GALNT13: variants seen among roughly 807,000 people sequenced by gnomAD.
The protein encoded by GALNT13 is UDP-GalNAc:polypeptide N-acetylgalactosaminyltransferase 13.
Under a neutral mutation model 64.2 loss-of-function variants are expected in GALNT13, and 28 were observed. That is an observed-to-expected ratio of 0.44 (90% CI 0.32 to 0.60). The LOEUF (loss-of-function observed/expected upper bound fraction) is 0.60, where lower values mean the gene tolerates loss of function less well. Among genes scored for constraint, GALNT13 ranks in the 20% least tolerant of loss-of-function variants. GALNT13 has a pLI of 0.05. For synonymous variants in GALNT13, 214 were observed against 224.6 expected, an observed-to-expected ratio of 0.95 and a Z score of 0.42; for missense variants, 577 against 669.8, an observed-to-expected ratio of 0.86 and a Z score of 1.53.
the GALNT13 span, among the ~76,000 whole-genome samples, chr2:153,310,789 C>G: frequency 6.6e-6 from 1 of 152,084 alleles, no homozygotes; most frequent in African/African-American, 2.4e-5. Context: ...TACAGTTCCC[C>G]TAACCCCTGC....
the GALNT13 span, among the ~76,000 whole-genome samples, chr2:153,205,033 A>AT: frequency 1.4e-4 from 21 of 152,174 alleles, no homozygotes; most frequent in Non-Finnish European, 8.8e-5. Flanking sequence ...TTTGCTTCAG[A>AT]TTTTTTGTGA....
the GALNT13 span, among the ~76,000 whole-genome samples, chr2:153,522,883 T>A: frequency 6.6e-6 from 1 of 152,126 alleles, no homozygotes; most frequent in Non-Finnish European, 1.5e-5. Context: ...CAATTCCTTC[T>A]TTCATGGATT....
chr2:153,267,376 T>A, the GALNT13 span, among the ~76,000 whole-genome samples: 3 of 152,222 alleles, frequency 2.0e-5, no homozygotes, highest in African/African-American at 7.2e-5. Flanking sequence ...GCAGCAGACT[T>A]CTTCCTGGAC....
chr2:153,537,341 AC>A, the GALNT13 span, among the ~76,000 whole-genome samples: 1 of 152,202 alleles, frequency 6.6e-6, no homozygotes, highest in East Asian at 1.9e-4. Context: ...GGCTGTGTCA[AC>A]CACCAGGCAA....
the GALNT13 span, among the ~76,000 whole-genome samples, chr2:153,586,417 A>T: frequency 6.6e-6 from 1 of 152,336 alleles, no homozygotes. Flanking sequence ...GATAAAATCG[A>T]CTTTAAGTTA....
chr2:153,646,837 C>A, the GALNT13 span, among the ~76,000 whole-genome samples: 1 of 152,118 alleles, frequency 6.6e-6, no homozygotes, highest in African/African-American at 2.4e-5. Flanking sequence ...TGTATATGTG[C>A]CACATTTTCT....
At chr2:153,090,898 G>T in the GALNT13 span, among the ~76,000 whole-genome samples, 1 of 152,098 alleles carries the variant, frequency 6.6e-6, no homozygotes, top group African/African-American at 2.4e-5. Flanking sequence ...GGAAAGTGGG[G>T]GATAGCTGGT....
At chr2:153,609,184 C>T in the GALNT13 span, among the ~76,000 whole-genome samples, 1 of 129,424 alleles carries the variant, frequency 7.7e-6, no homozygotes, top group Non-Finnish European at 1.6e-5. Flanking sequence ...CTGCCTCAGC[C>T]CCCCAAAGTG....
the GALNT13 span, among the ~76,000 whole-genome samples, chr2:153,194,153 G>T: frequency 3.9e-5 from 6 of 152,066 alleles, no homozygotes; most frequent in Non-Finnish European, 8.8e-5. Flanking sequence ...GACTTAGGAA[G>T]TTTCCAGGTA....
At chr2:153,109,278 ACT>A in the GALNT13 span, among the ~76,000 whole-genome samples, 1 of 151,984 alleles carries the variant, frequency 6.6e-6, no homozygotes, top group Non-Finnish European at 1.5e-5. Flanking sequence ...AGTCTCTCTG[ACT>A]CTCTGCCCAG....
chr2:153,133,181 T>A, the GALNT13 span, among the ~76,000 whole-genome samples: 1 of 152,042 alleles, frequency 6.6e-6, no homozygotes, highest in Admixed American at 6.6e-5. Flanking sequence ...TTCTGAAATC[T>A]CAGTCACACA....
intron 2 of GALNT13, among the ~76,000 whole-genome samples, chr2:153,938,516 A>C (rs1691107967): frequency 6.6e-6 from 1 of 152,194 alleles, no homozygotes; most frequent in Admixed American, 6.5e-5. Flanking sequence ...ACCTGTTTGC[A>C]TGTAGAAGTG....
the GALNT13 span, among the ~76,000 whole-genome samples, chr2:153,471,320 A>C: frequency 6.6e-6 from 1 of 152,184 alleles, no homozygotes. Context: ...ATACTAAATA[A>C]TAAATATTTA....
chr2:153,547,171 G>A, the GALNT13 span, among the ~76,000 whole-genome samples: 2 of 152,170 alleles, frequency 1.3e-5, no homozygotes, highest in Admixed American at 1.3e-4. Flanking sequence ...TGTCACCATT[G>A]TACTGCATAT....
At chr2:153,100,052 A>G in the GALNT13 span, among the ~76,000 whole-genome samples, 2 of 152,264 alleles carry the variant, frequency 1.3e-5, no homozygotes, top group African/African-American at 4.8e-5. Flanking sequence ...TAGTGCAAAC[A>G]TAATTAACAA....
the GALNT13 span, among the ~76,000 whole-genome samples, chr2:153,665,134 A>G: frequency 2.6e-5 from 4 of 152,194 alleles, no homozygotes; most frequent in East Asian, 5.8e-4. Context: ...CTCACTTTCA[A>G]TGGGGACTAA....
intron 3 of GALNT13, among the ~76,000 whole-genome samples, chr2:154,074,725 A>C (rs1210307335): frequency 2.0e-5 from 3 of 152,022 alleles, no homozygotes; most frequent in Admixed American, 6.6e-5. Context: ...AGCACATCTA[A>C]AAGCTAATCC....
the GALNT13 span, among the ~76,000 whole-genome samples, chr2:153,755,810 C>T: frequency 6.6e-5 from 10 of 152,164 alleles, 1 homozygote; most frequent in African/African-American, 9.6e-5. Context: ...ACTTACTAGT[C>T]CTCCAAGATA....
At chr2:153,643,105 GTT>G in the GALNT13 span, among the ~76,000 whole-genome samples, 1 of 151,100 alleles carries the variant, frequency 6.6e-6, no homozygotes, top group Non-Finnish European at 1.5e-5. Context: ...ATATACAAAA[GTT>G]TGAAAAATAT....
Sources: allele counts gnomAD v4.1 joint callset (sites outside exome capture counted in the v4.1 genomes callset), GRCh38; gene constraint gnomAD v4.1.1; transcripts MANE v1.5; gene names NCBI Gene and HGNC (gene_info 2026-07-23, HGNC 2026-07-21).